EGFLAM: variants seen among roughly 807,000 people sequenced by gnomAD.
The protein encoded by EGFLAM is pikachurin.
EGFLAM carries 79 observed loss-of-function variants against 113.1 expected under a neutral mutation model. The observed-to-expected ratio is 0.70, with a 90% CI of 0.58 to 0.84. EGFLAM has a LOEUF of 0.84. Ranked by LOEUF, EGFLAM falls within the 40% of genes least tolerant of loss-of-function variation. The pLI is 0.00. For missense variants in EGFLAM, 1,265 were observed against 1,291.6 expected (o/e 0.98, Z 0.32); for synonymous variants, 504 against 487.6 (o/e 1.03, Z -0.44).
intron 1 of EGFLAM, among the ~76,000 whole-genome samples, chr5:38,274,211 T>A (rs1424131015): frequency 6.6e-6 from 1 of 152,058 alleles, no homozygotes; most frequent in Non-Finnish European, 1.5e-5. Flanking sequence ...TGGGATAGCG[T>A]CGAAACAGCA....
At chr5:38,401,952 C>T (rs933901748) in intron 6 of EGFLAM, 7 of 152,180 alleles carry the variant, frequency 4.6e-5, no homozygotes, top group African/African-American at 1.7e-4. Flanking sequence ...TGGCTTCTTA[C>T]TTTGTGGAGT....
chr5:38,395,919 G>A (rs578010696), intron 6 of EGFLAM, among the ~76,000 whole-genome samples: 29 of 152,184 alleles, frequency 1.9e-4, no homozygotes, highest in Admixed American at 1.2e-3. Flanking sequence ...TTTTCTAGCA[G>A]ATCATCCCCA....
chr5:38,406,292 G>T, intron 7 of EGFLAM, 51 bp downstream of exon 7: 1 of 1,527,230 alleles, frequency 6.5e-7, no homozygotes, highest in South Asian at 1.2e-5. Flanking sequence ...TTTTCTTGCC[G>T]AACAAGACAA....
intron 3 of EGFLAM, among the ~76,000 whole-genome samples, chr5:38,346,888 G>A (rs1193279938): frequency 4.0e-5 from 6 of 151,852 alleles, no homozygotes; most frequent in Non-Finnish European, 8.8e-5. Context: ...AGGAAGTAGA[G>A]CTGGAGAGGG....
chr5:38,395,522 G>A (rs1313598301), intron 6 of EGFLAM, among the ~76,000 whole-genome samples: 1 of 152,140 alleles, frequency 6.6e-6, no homozygotes, highest in African/African-American at 2.4e-5. Flanking sequence ...TTTAAAGAGT[G>A]AGAAGAGAGG....
chr5:38,394,161 G>T (rs1490512462), intron 6 of EGFLAM, among the ~76,000 whole-genome samples: 1 of 151,704 alleles, frequency 6.6e-6, no homozygotes, highest in African/African-American at 2.4e-5. Context: ...TCAGCCACTC[G>T]TGTTGCTCTG....
At chr5:38,400,941 T>A (rs573533418) in intron 6 of EGFLAM, 1 of 152,296 alleles carries the variant, frequency 6.6e-6, no homozygotes, top group African/African-American at 2.4e-5. Flanking sequence ...ATCCTTGTGA[T>A]TCCATATTCC....
intron 6 of EGFLAM, chr5:38,403,179 T>C (rs1221841156): frequency 6.6e-6 from 1 of 152,222 alleles, no homozygotes; most frequent in Non-Finnish European, 1.5e-5. Context: ...CCGAGAGAGA[T>C]AGATACAGTA....
At chr5:38,423,870 T>C (rs564707534) in intron 12 of EGFLAM, among the ~76,000 whole-genome samples, 1 of 152,232 alleles carries the variant, frequency 6.6e-6, no homozygotes, top group Non-Finnish European at 1.5e-5. Context: ...TTACCCCTCC[T>C]CCCAGTGAGT....
At chr5:38,408,936 T>G in intron 9 of EGFLAM, 68 bp from the exon 10 acceptor site, 1 of 1,323,444 alleles carries the variant, frequency 7.6e-7, no homozygotes. Context: ...ATTTGTGTCT[T>G]TCCAGGTGGT....
intron 1 of EGFLAM, among the ~76,000 whole-genome samples, chr5:38,318,690 AG>A (rs1470309214): frequency 6.6e-5 from 10 of 152,072 alleles, no homozygotes; most frequent in Non-Finnish European, 1.5e-4. Context: ...TTTTTAGTAA[AG>A]ACGGCATTTC....
At chr5:38,383,681 T>C (rs1194017556) in intron 6 of EGFLAM, among the ~76,000 whole-genome samples, 1 of 152,178 alleles carries the variant, frequency 6.6e-6, no homozygotes, top group Non-Finnish European at 1.5e-5. Context: ...CACATTATAT[T>C]ACATAAATAA....
At chr5:38,385,743 T>C (rs552324688) in intron 6 of EGFLAM, among the ~76,000 whole-genome samples, 1 of 152,336 alleles carries the variant, frequency 6.6e-6, no homozygotes, top group Non-Finnish European at 1.5e-5. Context: ...TCATGTCCCA[T>C]TGAATTATTT....
chr5:38,341,322 G>A (rs1040582901), intron 3 of EGFLAM, among the ~76,000 whole-genome samples: 6 of 152,206 alleles, frequency 3.9e-5, no homozygotes, highest in East Asian at 3.9e-4. Flanking sequence ...ATGGCGGAAG[G>A]CACCTCTTCA....
At chr5:38,264,385 A>G (rs973861170) in intron 1 of EGFLAM, among the ~76,000 whole-genome samples, 1 of 152,146 alleles carries the variant, frequency 6.6e-6, no homozygotes, top group African/African-American at 2.4e-5. Flanking sequence ...GGTATAATCA[A>G]ACTAAAATAA....
chr5:38,364,290 T>A (rs1165129227), intron 5 of EGFLAM, among the ~76,000 whole-genome samples: 1 of 152,154 alleles, frequency 6.6e-6, no homozygotes. Context: ...TAGGCAGGCA[T>A]GGCGATCAGG....
chr5:38,278,810 TTTG>T (rs1561260380), intron 1 of EGFLAM, among the ~76,000 whole-genome samples: 2 of 152,010 alleles, frequency 1.3e-5, no homozygotes, highest in Non-Finnish European at 2.9e-5. Context: ...ATTTTTTTTT[TTTG>T]ATGTAATTTT....
At chr5:38,455,493 C>G (rs1447768990) in intron 19 of EGFLAM, among the ~76,000 whole-genome samples, 1 of 152,198 alleles carries the variant, frequency 6.6e-6, no homozygotes. Context: ...CACTGTCACC[C>G]AGAACAAGAT....
rs149843559 is a variant in EGFLAM, at chr5:38,370,429, C to G, written c.679C>G (p.Arg227Gly). The G allele has an allele frequency of 5.6e-6, 9 of 1,614,142 alleles. No homozygotes were observed. The Admixed American group carries it at 1.2e-4, about 21-fold the overall frequency. The change falls in exon 6 of 22, where the codon CGC (arginine) becomes GGC (glycine). Residue 227 changes from arginine (R) to glycine (G), a missense_variant. Coordinates refer to ENST00000322350, the MANE Select transcript of EGFLAM (RefSeq NM_152403.4). ...RAMNSHGPSP[R>G]SWPSDIIRTL... Reference sequence around the variant, plus strand: ...AATGAATTCCCATGGCCCCAGCCCCCGCAGCTGGCCCAGTGACATCATCCG... The same window carrying G: ...AATGAATTCCCATGGCCCCAGCCCCGGCAGCTGGCCCAGTGACATCATCCG...
Sources: allele counts gnomAD v4.1 joint callset (sites outside exome capture counted in the v4.1 genomes callset), GRCh38; gene constraint gnomAD v4.1.1; transcripts MANE v1.5; gene names NCBI Gene and HGNC (gene_info 2026-07-23, HGNC 2026-07-21).